FMNL2: variants seen among roughly 807,000 people sequenced by gnomAD.
FMNL2 encodes the protein formin-like protein 2.
A neutral mutation model predicts 130.2 loss-of-function variants in FMNL2; 51 were observed. That is an observed-to-expected ratio of 0.39 (90% CI 0.31 to 0.49). The LOEUF (loss-of-function observed/expected upper bound fraction) is 0.49, where lower values mean the gene tolerates loss of function less well. Among genes scored for constraint, FMNL2 ranks in the 20% least tolerant of loss-of-function variants. The pLI, the probability that FMNL2 is intolerant of heterozygous loss-of-function variation, is 0.85. For synonymous variants in FMNL2, 465 were observed against 467.1 expected (o/e 1.00, Z 0.06); for missense variants, 977 against 1,316.2 (o/e 0.74, Z 3.99).
chr2:152,627,028 ACT>A (rs1240400903), intron 17 of FMNL2, among the ~76,000 whole-genome samples: 6 of 152,166 alleles, frequency 3.9e-5, no homozygotes, highest in African/African-American at 1.4e-4. Flanking sequence ...ATCTGGGTCT[ACT>A]CTCTTATGCG....
intron 1 of FMNL2, among the ~76,000 whole-genome samples, chr2:152,467,294 C>G (rs1471837938): frequency 1.3e-5 from 2 of 152,158 alleles, no homozygotes; most frequent in African/African-American, 4.8e-5. Flanking sequence ...TTCAGTAATT[C>G]TTGTTGGATT....
At chr2:152,417,030 C>G (rs1350367274) in intron 1 of FMNL2, among the ~76,000 whole-genome samples, 1 of 152,152 alleles carries the variant, frequency 6.6e-6, no homozygotes, top group East Asian at 1.9e-4. Flanking sequence ...CAAACCTTAA[C>G]AATACAGGCA....
intron 1 of FMNL2, among the ~76,000 whole-genome samples, chr2:152,480,317 G>A (rs1043098867): frequency 6.6e-6 from 1 of 152,076 alleles, no homozygotes; most frequent in African/African-American, 2.4e-5. Context: ...CTTAAGATAG[G>A]TTAGGTAATT....
At chr2:152,622,274 C>T (rs1357667640) in intron 15 of FMNL2, among the ~76,000 whole-genome samples, 2 of 152,160 alleles carry the variant, frequency 1.3e-5, no homozygotes, top group East Asian at 3.9e-4. Context: ...GAATGCCTAG[C>T]ACAGTTCAGT....
chr2:152,541,835 T>A (rs986438612), intron 2 of FMNL2, among the ~76,000 whole-genome samples: 5 of 152,034 alleles, frequency 3.3e-5, no homozygotes, highest in Non-Finnish European at 7.4e-5. Context: ...TTGTTTTCAT[T>A]GTAATCTAGT....
intron 9 of FMNL2, among the ~76,000 whole-genome samples, chr2:152,603,241 G>C (rs1326047674): frequency 1.3e-5 from 2 of 152,112 alleles, no homozygotes; most frequent in African/African-American, 4.8e-5. Context: ...GTGGAGCTGT[G>C]GTAGTAGGGG....
intron 1 of FMNL2, among the ~76,000 whole-genome samples, chr2:152,440,530 TG>T (rs1159511944): frequency 1.3e-5 from 2 of 152,208 alleles, no homozygotes; most frequent in African/African-American, 4.8e-5. Flanking sequence ...TAAAAAATAG[TG>T]TTTTCTTGGA....
Position 152,572,043 on chromosome 2 carries a change from C to G in FMNL2, c.597-3093C>G, listed in dbSNP as rs74409140. On this transcript the variant is annotated intron_variant, in intron 6 of 25. Coordinates refer to ENST00000288670, the MANE Select transcript of FMNL2 (RefSeq NM_052905.4). ...TTATCTAGGTGGACATTTGCAACAC[C>G]AGGTAGTAAGATTTTCAAAGCTGAG... Among the ~76,000 whole-genome samples the G allele has an allele frequency of 2.5e-3, 378 of 152,102 alleles. 1 individual carries two copies. Among genetic ancestry groups the G allele is most frequent in the Non-Finnish European group, 4.7e-3 (321 of 68,000 alleles).
intron 25 of FMNL2, among the ~76,000 whole-genome samples, chr2:152,644,866 T>A (rs1683406651): frequency 6.6e-6 from 1 of 152,164 alleles, no homozygotes; most frequent in Non-Finnish European, 1.5e-5. Context: ...CAAAGTAACC[T>A]CCTGGGCACA....
intron 1 of FMNL2, among the ~76,000 whole-genome samples, chr2:152,515,372 A>G (rs1320772385): frequency 6.6e-6 from 1 of 152,114 alleles, no homozygotes; most frequent in Non-Finnish European, 1.5e-5. Context: ...TTAAGTATAT[A>G]TTGATTTGAC....
intron 16 of FMNL2, among the ~76,000 whole-genome samples, chr2:152,626,133 G>T (rs1681768497): frequency 6.6e-6 from 1 of 152,090 alleles, no homozygotes; most frequent in African/African-American, 2.4e-5. Context: ...TTCCTCCTAG[G>T]TTCAAGCAAT....
rs1450166070 is a variant in FMNL2 at position 152,377,900 on chromosome 2, G to C, written c.117+42180G>C. ...TAATCCCAGCACTTTGGGAGGCTGA[G>C]GTAGGCAAATCGCTTGAACCCGGAA... On this transcript the variant is annotated intron_variant, in intron 1 of 25. Transcript: ENST00000288670. 2.6e-5 allele frequency among the ~76,000 whole-genome samples: 4 copies of C among 152,086 alleles called. 1 individual carries two copies. In the South Asian group the frequency reaches 8.3e-4, roughly 32 times the overall value.
chr2:152,426,146 G>A (rs1406736349), intron 1 of FMNL2, among the ~76,000 whole-genome samples: 1 of 152,170 alleles, frequency 6.6e-6, no homozygotes, highest in African/African-American at 2.4e-5. Context: ...AGGGAGAAAG[G>A]GAGTGAGGAA....
At position 152,633,807 on chromosome 2, in the gene FMNL2, CA is replaced by C. The variant is rs1408662026; in HGVS notation, c.2680+1673del. On this transcript the variant is annotated intron_variant, in intron 21 of 25. Coordinates refer to ENST00000288670, the MANE Select transcript of FMNL2 (RefSeq NM_052905.4). Reference sequence around the variant, plus strand: ...GGGTACTAATTCATTTTGTTTGGTCCAAATGGTGTCATTTGAAAAACATCGG... The same window carrying C: ...GGGTACTAATTCATTTTGTTTGGTCCAATGGTGTCATTTGAAAAACATCGG... Among the ~76,000 whole-genome samples the C allele has an allele frequency of 1.1e-4, 16 of 152,260 alleles. 2 individuals are homozygous for C. In the Middle Eastern group the frequency reaches 0.01, roughly 97 times the overall value.
chr2:152,622,172 C>T (rs1166340531), intron 15 of FMNL2, among the ~76,000 whole-genome samples: 1 of 152,184 alleles, frequency 6.6e-6, no homozygotes, highest in Admixed American at 6.5e-5. Flanking sequence ...GGAACCTTTG[C>T]CGTCTGTCTG....
chr2:152,646,335 C>T lies in FMNL2; in HGVS notation c.3170-1461C>T, dbSNP rs1683560604. ...ACAGAGACTGTCCTCCCCTCACAAC[C>T]CCCGCCCACCCCCCCAGAAAAGAGT... On this transcript the variant is annotated intron_variant, in intron 25 of 25. Coordinates refer to ENST00000288670, the MANE Select transcript of FMNL2 (RefSeq NM_052905.4). 3.4e-4 allele frequency among the ~76,000 whole-genome samples: 5 copies of T among 14,752 alleles called. No individual in the cohort carries two copies. The Admixed American group carries it at 4.8e-3, about 14-fold the overall frequency. The allele number at this position is 14,752 out of a possible 152,430, so 9.7% of individuals were successfully genotyped here.
At chr2:152,442,320 T>G (rs568702577) in intron 1 of FMNL2, among the ~76,000 whole-genome samples, 1 of 151,996 alleles carries the variant, frequency 6.6e-6, no homozygotes, top group South Asian at 2.1e-4. Flanking sequence ...GGCGCGATCT[T>G]GGCTTACTGC....
chr2:152,609,992 A>G (rs570584777), intron 10 of FMNL2, among the ~76,000 whole-genome samples: 105 of 152,234 alleles, frequency 6.9e-4, no homozygotes, highest in South Asian at 4.6e-3. Flanking sequence ...TATTTACCAA[A>G]CCAGGGACAG....
rs368186060 is a variant in FMNL2, at chr2:152,591,792, C to T, written c.876+10743C>T. Among the ~76,000 whole-genome samples, 27 of 151,490 alleles carry T rather than the reference C, an allele frequency of 1.8e-4. 1 individual carries two copies. The highest frequency in any genetic ancestry group is 1.6e-3 in the East Asian group (8 of 5,108). The stretch of plus-strand genomic sequence containing the variant: ...CTGCACTCCAGCCTGGGCGACACAG[C>T]GAGAACCTGTCTCTAAAGAAAAGAT... On this transcript the variant is annotated intron_variant, in intron 9 of 25. Coordinates refer to ENST00000288670, the MANE Select transcript of FMNL2 (RefSeq NM_052905.4).
Sources: allele counts gnomAD v4.1 joint callset (sites outside exome capture counted in the v4.1 genomes callset), GRCh38; gene constraint gnomAD v4.1.1; transcripts MANE v1.5; gene names NCBI Gene and HGNC (gene_info 2026-07-23, HGNC 2026-07-21).